The following FAM184A variants were observed in gnomAD, a reference collection of about 807,000 sequenced individuals.
FAM184A encodes family with sequence similarity 184 member A.
FAM184A carries 99 observed loss-of-function variants against 143.8 expected under a neutral mutation model. That is an observed-to-expected ratio of 0.69 (90% confidence interval 0.58 to 0.81). The LOEUF is 0.81. Among genes scored for constraint, FAM184A ranks in the 40% least tolerant of loss-of-function variants. The pLI is 0.00. For missense variants in FAM184A, 1,217 were observed against 1,310.5 expected (o/e 0.93, Z 1.10); for synonymous variants, 427 against 446.4 (o/e 0.96, Z 0.55).
intron 1 of FAM184A, among the ~76,000 whole-genome samples, chr6:119,084,945 G>A (rs899007127): frequency 3.9e-5 from 6 of 152,228 alleles, no homozygotes; most frequent in Non-Finnish European, 8.8e-5. Flanking sequence ...GGGTCCTGAG[G>A]CTGCACAGGG....
intron 1 of FAM184A, among the ~76,000 whole-genome samples, chr6:119,117,788 G>T (rs1336364738): frequency 3.3e-5 from 5 of 152,154 alleles, no homozygotes; most frequent in African/African-American, 1.2e-4. Context: ...TAATTTAATT[G>T]GTTGAGGATT....
Position 119,078,441 on chromosome 6 carries a change from G to T in FAM184A, c.-142C>A. The T allele has an allele frequency of 1.2e-6, 1 of 849,258 alleles. No homozygotes were observed. The highest frequency in any genetic ancestry group is 2.4e-5 in the South Asian group (1 of 41,268). 52.6% of individuals were successfully genotyped at this position (849,258 alleles called of 1,614,324 possible). On this transcript the variant is annotated 5_prime_UTR_variant, in exon 1 of 18. Transcript: ENST00000338891. The surrounding 1 kb of genome is among the most constrained non-coding windows in gnomAD (Gnocchi z 5.5). ...CCCCCCAGACTCGGCCGCAGGCGCCGTCCCACCCGCGACCCCCGGGTCACC... is the reference window on the plus strand; with the variant it reads ...CCCCCCAGACTCGGCCGCAGGCGCCTTCCCACCCGCGACCCCCGGGTCACC...
At position 119,016,828 on chromosome 6, in the gene FAM184A, C is replaced by A; in HGVS notation, c.1449G>T (p.Leu483Phe). The A allele has an allele frequency of 6.2e-7, 1 of 1,614,134 alleles. No individual in the cohort carries two copies. The highest frequency in any genetic ancestry group is 8.5e-7 in the Non-Finnish European group (1 of 1,180,002). The change falls in exon 5 of 18, where the codon TTG becomes TTT. Residue 483 changes from leucine (L) to phenylalanine (F), a missense_variant. Physicochemically the swap from Leu to Phe is conservative, Grantham distance 22. Coordinates refer to ENST00000338891, the MANE Select transcript of FAM184A (RefSeq NM_024581.6). Reference sequence around the variant, plus strand: ...TATGGTGCTTCCAAGCTAATTCTTCCAAAGTCTTAGAATGGGCCTCGTTTA... The same window carrying A: ...TATGGTGCTTCCAAGCTAATTCTTCAAAAGTCTTAGAATGGGCCTCGTTTA... Reference protein sequence around the residue: ...TQLNEAHSKTLEELAWKHHMA... With the variant: ...TQLNEAHSKTFEELAWKHHMA...
chr6:118,992,754 C>T (rs1420464521), intron 9 of FAM184A, among the ~76,000 whole-genome samples: 1 of 152,078 alleles, frequency 6.6e-6, no homozygotes, highest in Non-Finnish European at 1.5e-5. Context: ...AAGTAAGACC[C>T]TGTTGCTACA....
At chr6:118,963,026 G>A (rs1233703907) in intron 16 of FAM184A, 1 of 151,958 alleles carries the variant, frequency 6.6e-6, no homozygotes, top group Non-Finnish European at 1.5e-5. Context: ...GACTTGTAGA[G>A]TCTCTGATGA....
intron 1 of FAM184A, among the ~76,000 whole-genome samples, chr6:119,028,792 A>C (rs1346900315): frequency 1.3e-5 from 2 of 152,176 alleles, no homozygotes; most frequent in Non-Finnish European, 2.9e-5. Flanking sequence ...TTTTGCCAGA[A>C]GAACTTGCAG....
At chr6:119,081,389 T>C (rs1480605062), upstream of FAM184A, among the ~76,000 whole-genome samples, 1 of 152,076 alleles carries the variant, frequency 6.6e-6, no homozygotes, top group Non-Finnish European at 1.5e-5. Context: ...TGCTCAAACC[T>C]CTAGGGGAGC....
At chr6:119,011,512 G>C in intron 5 of FAM184A, 81 bp from the exon 6 acceptor site, 1 of 909,858 alleles carries the variant, frequency 1.1e-6, no homozygotes, top group Non-Finnish European at 1.6e-6. Flanking sequence ...AGACTATTCT[G>C]TTTTGTATTT....
At chr6:118,993,513 CT>C (rs138521378) in intron 9 of FAM184A, among the ~76,000 whole-genome samples, 17,072 of 152,182 alleles carry the variant, frequency 0.11, 1,008 homozygotes, top group South Asian at 0.14. Flanking sequence ...GAATTGTAAG[CT>C]TTTAGAGGAC....
chr6:119,030,228 A>G (rs1785817268), intron 1 of FAM184A, among the ~76,000 whole-genome samples: 1 of 152,184 alleles, frequency 6.6e-6, no homozygotes, highest in Admixed American at 6.5e-5. Flanking sequence ...GCCAAACATA[A>G]TAACAAATTA....
chr6:119,033,990 C>CAAAAAA (rs59719185), intron 1 of FAM184A, among the ~76,000 whole-genome samples: 1 of 17,392 alleles, frequency 5.7e-5, no homozygotes, highest in Non-Finnish European at 8.9e-5. Flanking sequence ...GACTCTGTCT[C>CAAAAAA]AAAAAAAAAA....
chr6:119,048,367 A>T (rs973707440), intron 1 of FAM184A, among the ~76,000 whole-genome samples: 1 of 152,248 alleles, frequency 6.6e-6, no homozygotes, highest in South Asian at 2.1e-4. Context: ...ACAGAATTGG[A>T]AGTCTTAGCC....
chr6:119,006,251 C>T (rs997371199), intron 7 of FAM184A, 196 bp downstream of exon 7: 5 of 754,480 alleles, frequency 6.6e-6, no homozygotes, highest in Non-Finnish European at 1.2e-5. Context: ...TGATGTTGGA[C>T]TTCTAGCCTC....
At chr6:119,113,249 C>T (rs1425129060) in intron 1 of FAM184A, among the ~76,000 whole-genome samples, 3 of 152,124 alleles carry the variant, frequency 2.0e-5, no homozygotes, top group African/African-American at 7.2e-5. Flanking sequence ...CAACTGTGGC[C>T]AGGAAACTCT....
intron 7 of FAM184A, chr6:119,005,419 TAA>T (rs1183690996): frequency 1.3e-5 from 2 of 152,328 alleles, no homozygotes; most frequent in East Asian, 3.9e-4. Flanking sequence ...GTAAATTCAC[TAA>T]AGTGTCCTTG....
intron 9 of FAM184A, among the ~76,000 whole-genome samples, chr6:118,994,074 G>GTC (rs1784465735): frequency 6.6e-6 from 1 of 152,128 alleles, no homozygotes. Flanking sequence ...TTCTGGCCAG[G>GTC]TCTCAGGTAA....
intron 1 of FAM184A, among the ~76,000 whole-genome samples, chr6:119,059,353 G>A (rs1787131138): frequency 6.6e-6 from 1 of 152,250 alleles, no homozygotes; most frequent in Admixed American, 6.5e-5. Flanking sequence ...TAACTGGAAT[G>A]AAGGTTGATA....
intron 1 of FAM184A, among the ~76,000 whole-genome samples, chr6:119,072,786 T>C (rs1344976638): frequency 6.6e-6 from 1 of 152,138 alleles, no homozygotes; most frequent in African/African-American, 2.4e-5. Flanking sequence ...AAAATAGCTT[T>C]TTGAAGCAGT....
chr6:119,090,940 T>C (rs2114820050), intron 1 of FAM184A, among the ~76,000 whole-genome samples: 1 of 152,294 alleles, frequency 6.6e-6, no homozygotes, highest in East Asian at 1.9e-4. Context: ...TCTTTCGAGA[T>C]CTAGAAATAC....
Sources: allele counts gnomAD v4.1 joint callset (sites outside exome capture counted in the v4.1 genomes callset), GRCh38; gene constraint gnomAD v4.1.1; non-coding constraint Gnocchi (gnomAD v3.1); transcripts MANE v1.5; gene names NCBI Gene and HGNC (gene_info 2026-07-23, HGNC 2026-07-21).